The following MYO3A variants were observed in gnomAD, a reference collection of about 807,000 sequenced individuals.
MYO3A encodes myosin IIIA.
Under a neutral mutation model 192.7 loss-of-function variants are expected in MYO3A, and 180 were observed. The observed-to-expected ratio is 0.93, with a 90% CI of 0.83 to 1.06. The LOEUF (loss-of-function observed/expected upper bound fraction) is 1.06. Among genes scored for constraint, MYO3A ranks in the 50% least tolerant of loss-of-function variants. The pLI is 0.00. For synonymous variants in MYO3A, 628 were observed against 645.3 expected (o/e 0.97, Z 0.41); for missense variants, 1,896 against 1,905.0 (o/e 1.00, Z 0.09).
chr10:26,067,176 TG>T, intron 11 of MYO3A, 102 bp downstream of exon 11: 2 of 780,362 alleles, frequency 2.6e-6, no homozygotes, highest in Non-Finnish European at 4.4e-6. Flanking sequence ...TAGATTATGA[TG>T]GTTATTAAGA....
intron 17 of MYO3A, among the ~76,000 whole-genome samples, chr10:26,106,730 A>T (rs1372866832): frequency 6.6e-6 from 1 of 152,090 alleles, no homozygotes; most frequent in African/African-American, 2.4e-5. Flanking sequence ...CTATTGATAT[A>T]ATCATATTTT....
chr10:26,092,684 C>G (rs1836774411), intron 15 of MYO3A, among the ~76,000 whole-genome samples: 1 of 152,146 alleles, frequency 6.6e-6, no homozygotes, highest in South Asian at 2.1e-4. Flanking sequence ...TTCCTGCAAG[C>G]AGCTGAGTGG....
intron 17 of MYO3A, among the ~76,000 whole-genome samples, chr10:26,108,099 A>T (rs1309226042): frequency 6.6e-6 from 1 of 152,154 alleles, no homozygotes; most frequent in African/African-American, 2.4e-5. Flanking sequence ...ATCGTGTTTA[A>T]TAGGGACGCC....
rs569504195 is a variant in MYO3A at position 25,975,995 on chromosome 10, T to C, written c.304-20495T>C. Among the ~76,000 whole-genome samples, 164 of 152,290 alleles carry C rather than the reference T, an allele frequency of 1.1e-3. 1 individual carries two copies. The highest frequency in any genetic ancestry group is 9.6e-4 in the Non-Finnish European group (65 of 68,012). ...ATTGTACAAAACCATATAAATGAAA[T>C]ATGTTCAAAATCTTTAGTCTTTGGG... On this transcript the variant is annotated intron_variant, in intron 4 of 34. Coordinates refer to ENST00000642920, the MANE Select transcript of MYO3A (RefSeq NM_017433.5).
chr10:26,061,277 A>T (rs2131341868), intron 10 of MYO3A, among the ~76,000 whole-genome samples: 1 of 152,282 alleles, frequency 6.6e-6, no homozygotes, highest in South Asian at 2.1e-4. Flanking sequence ...AGGATGAATA[A>T]CACTTGATTT....
At chr10:26,063,751 AAAC>A (rs1438827960) in intron 10 of MYO3A, among the ~76,000 whole-genome samples, 20 of 152,232 alleles carry the variant, frequency 1.3e-4, no homozygotes, top group African/African-American at 4.1e-4. Context: ...GCTGAGGAGG[AAAC>A]AACAAGAACA....
intron 9 of MYO3A, among the ~76,000 whole-genome samples, chr10:26,025,616 A>G (rs907143641): frequency 4.6e-5 from 7 of 151,880 alleles, no homozygotes; most frequent in African/African-American, 1.5e-4. Context: ...CCACCAACCA[A>G]TTCTAGTTCT....
At chr10:26,060,749 A>T (rs1222761710) in intron 10 of MYO3A, among the ~76,000 whole-genome samples, 1 of 152,174 alleles carries the variant, frequency 6.6e-6, no homozygotes, top group Non-Finnish European at 1.5e-5. Context: ...AAACACTTAG[A>T]TGTTCTTGCG....
intron 6 of MYO3A, among the ~76,000 whole-genome samples, chr10:26,011,657 C>A (rs1293017074): frequency 6.6e-6 from 1 of 152,068 alleles, no homozygotes; most frequent in Non-Finnish European, 1.5e-5. Context: ...CAGGACCAGA[C>A]CTATTCACTG....
chr10:26,002,631 C>A (rs112788741), intron 6 of MYO3A, among the ~76,000 whole-genome samples: 1 of 151,474 alleles, frequency 6.6e-6, no homozygotes. Context: ...ACCAGGTAAT[C>A]GGAATGAGTC....
At position 26,174,180 on chromosome 10, in the gene MYO3A, A is replaced by C. The variant is rs1842195404; in HGVS notation, c.3916A>C (p.Lys1306Gln). 1 of 1,614,126 alleles carries C rather than the reference A, an allele frequency of 6.2e-7. No individual in the cohort carries two copies. Among genetic ancestry groups the C allele is most frequent in the South Asian group, 1.1e-5 (1 of 91,094 alleles). Residue 1306 changes from lysine (K) to glutamine (Q), a missense_variant, in exon 30 of 35, where the codon AAG (lysine) becomes CAG (glutamine). Physicochemically the swap from Lys to Gln is moderately conservative, Grantham distance 53. Transcript: ENST00000642920. Reference protein sequence around the residue: ...QNANSMEKEKKTSVVTQRAPI... With the variant: ...QNANSMEKEKQTSVVTQRAPI... The stretch of plus-strand genomic sequence containing the variant: ...TGCAAACAGCATGGAAAAAGAAAAG[A>C]AGACATCTGTAGTTACCCAGCGTGC...
intron 4 of MYO3A, among the ~76,000 whole-genome samples, chr10:25,977,943 C>G (rs1839060430): frequency 6.6e-6 from 1 of 152,100 alleles, no homozygotes; most frequent in Non-Finnish European, 1.5e-5. Flanking sequence ...ATCAATGTTG[C>G]TATCTCTTTG....
chr10:26,131,699 G>A (rs1218446719), intron 20 of MYO3A, among the ~76,000 whole-genome samples: 1 of 152,052 alleles, frequency 6.6e-6, no homozygotes, highest in Non-Finnish European at 1.5e-5. Context: ...AATTTTCCTG[G>A]AGTTTGATAT....
chr10:26,126,545 C>A (rs969086289), intron 19 of MYO3A, among the ~76,000 whole-genome samples: 2 of 152,034 alleles, frequency 1.3e-5, no homozygotes, highest in African/African-American at 4.8e-5. Context: ...ACTATCTATA[C>A]CATTTTCCCA....
intron 10 of MYO3A, among the ~76,000 whole-genome samples, chr10:26,050,236 G>A (rs1843909065): frequency 6.6e-6 from 1 of 151,972 alleles, no homozygotes; most frequent in Non-Finnish European, 1.5e-5. Flanking sequence ...CAAAGTGCTG[G>A]GATTACAGGT....
Position 26,212,149 on chromosome 10 carries a change from C to G in MYO3A, c.*186C>G, listed in dbSNP as rs1844249174. The G allele has an allele frequency of 2.3e-6, 2 of 882,558 alleles. No homozygotes were observed. The highest frequency in any genetic ancestry group is 3.3e-6 in the Non-Finnish European group (2 of 608,140). 54.7% of individuals were successfully genotyped at this position (882,558 alleles called of 1,614,324 possible). ...GCCTTCGTGCTCCGAAACAAGAGACCTGGGAGCCCTCGGGAAACCTCCCCC... is the reference window on the plus strand; with the variant it reads ...GCCTTCGTGCTCCGAAACAAGAGACGTGGGAGCCCTCGGGAAACCTCCCCC... On this transcript the variant is annotated 3_prime_UTR_variant, in exon 35 of 35. Transcript: ENST00000642920.
rs145813243 is a variant in MYO3A, at chr10:25,999,424, C to T, written c.508+2166C>T. Among the ~76,000 whole-genome samples, 95 of 152,114 alleles carry T rather than the reference C, an allele frequency of 6.2e-4. 2 individuals carry two copies. The highest frequency in any genetic ancestry group is 1.5e-3 in the African/African-American group (62 of 41,504). On this transcript the variant is annotated intron_variant, in intron 6 of 34. Transcript: ENST00000642920. The stretch of plus-strand genomic sequence containing the variant: ...AGTAAGAGGACATGGATTCAGTTTG[C>T]CTATGGTGATTAGTAGGTTGTTGTA...
Position 26,068,645 on chromosome 10 carries a change from T to A in MYO3A, c.1054-123T>A, listed in dbSNP as rs544926016. On this transcript the variant is annotated intron_variant, in intron 11 of 34. Coordinates refer to ENST00000642920, the MANE Select transcript of MYO3A (RefSeq NM_017433.5). ...GATGTTACATGTTTTTTACTATCAG[T>A]GTGTCTGTTTTTCTAATCCTTCGTC... 47 of 609,718 alleles carry A rather than the reference T, an allele frequency of 7.7e-5. No individual in the cohort carries two copies. The African/African-American group carries it at 8.3e-4, about 11-fold the overall frequency. The allele number at this position is 609,718 out of a possible 1,614,324, so 37.8% of individuals were successfully genotyped here. A position where few individuals can be genotyped will look rare whatever the true frequency, so the allele number is the denominator to read the frequency against.
chr10:26,114,939 A>G (rs1838412719), intron 17 of MYO3A, among the ~76,000 whole-genome samples: 1 of 152,246 alleles, frequency 6.6e-6, no homozygotes, highest in Non-Finnish European at 1.5e-5. Flanking sequence ...ATGGGAAAAA[A>G]AGAACAGCAT....
Sources: allele counts gnomAD v4.1 joint callset (sites outside exome capture counted in the v4.1 genomes callset), GRCh38; gene constraint gnomAD v4.1.1; transcripts MANE v1.5; gene names NCBI Gene and HGNC (gene_info 2026-07-23, HGNC 2026-07-21).